The following DNAJC1 variants were observed in gnomAD, a reference collection of about 807,000 sequenced individuals.
The protein encoded by DNAJC1 is DnaJ heat shock protein family (Hsp40) member C1, also known as dnaJ homolog subfamily C member 1.
A neutral mutation model predicts 76.6 loss-of-function variants in DNAJC1; 58 were observed. That is an observed-to-expected ratio of 0.76 (90% CI 0.61 to 0.94). The LOEUF (loss-of-function observed/expected upper bound fraction) is 0.94. Ranked by LOEUF, DNAJC1 falls within the 40% of genes least tolerant of loss-of-function variation. The probability of loss-of-function intolerance (pLI) is 0.00; values close to 1 mark genes in which losing one functional copy is unlikely to be tolerated. For missense variants in DNAJC1, 689 were observed against 677.3 expected (o/e 1.02, Z -0.19); for synonymous variants, 258 against 267.9 (o/e 0.96, Z 0.36).
rs568141167 is a variant in DNAJC1, at chr10:21,757,794, C to T, written c.1597-1039G>A. On this transcript the variant is annotated intron_variant, in intron 11 of 11. Transcript: ENST00000376980. ...GACAGCAGGAAGCTCAGCCCTGCCT[C>T]GCTCTCAAGTCAAGGCTTGAGGGGA... 6.1e-4 allele frequency among the ~76,000 whole-genome samples: 93 copies of T among 152,312 alleles called. 1 individual carries two copies. Among genetic ancestry groups the T allele is most frequent in the Admixed American group, 1.6e-3 (24 of 15,304 alleles).
intron 8 of DNAJC1, among the ~76,000 whole-genome samples, chr10:21,862,836 G>GA (rs1472025005): frequency 6.6e-6 from 1 of 152,034 alleles, no homozygotes. Flanking sequence ...TAAGAAATTA[G>GA]AAAAGGAAGA....
rs1208799870 is a variant in DNAJC1 at position 21,941,095 on chromosome 10, CAAAAA to C, written c.223-11959_223-11955del. Among the ~76,000 whole-genome samples, 164 of 39,166 alleles carry C rather than the reference CAAAAA, an allele frequency of 4.2e-3. 1 individual carries two copies. The highest frequency in any genetic ancestry group is 0.014 in the African/African-American group (158 of 11,640). 25.7% of individuals were successfully genotyped at this position (39,166 alleles called of 152,430 possible). On this transcript the variant is annotated intron_variant, in intron 1 of 11. Coordinates refer to ENST00000376980, the MANE Select transcript of DNAJC1 (RefSeq NM_022365.4). ...TGAAACTCCGTCTCTACTAAAAATA[CAAAAA>C]AAAAAAAAAAAAAAAAAAATTAGCC...
chr10:21,935,493 T>C (rs1837297177), intron 1 of DNAJC1, among the ~76,000 whole-genome samples: 1 of 152,070 alleles, frequency 6.6e-6, no homozygotes, highest in South Asian at 2.1e-4. Context: ...TGTGGAACAC[T>C]ATTAAAAGTA....
chr10:21,809,914 C>T (rs1181123997), intron 8 of DNAJC1, among the ~76,000 whole-genome samples: 1 of 151,220 alleles, frequency 6.6e-6, no homozygotes, highest in African/African-American at 2.4e-5. Context: ...TGGCTGCCTT[C>T]TTGCTCAGTC....
intron 3 of DNAJC1, 83 bp from the exon 4 acceptor site, chr10:21,921,046 A>T (rs1008300896): frequency 1.0e-4 from 132 of 1,257,842 alleles, no homozygotes; most frequent in Non-Finnish European, 1.4e-4. Flanking sequence ...TACAAAAAGG[A>T]AAAAGAAAAC....
At chr10:21,875,795 G>A (rs1251287672) in intron 8 of DNAJC1, among the ~76,000 whole-genome samples, 4 of 152,078 alleles carry the variant, frequency 2.6e-5, no homozygotes, top group African/African-American at 9.7e-5. Flanking sequence ...TGTGGCAGCA[G>A]GCGTCTGTAA....
intron 1 of DNAJC1, among the ~76,000 whole-genome samples, chr10:21,948,200 C>T (rs1837537384): frequency 6.6e-6 from 1 of 151,242 alleles, no homozygotes; most frequent in African/African-American, 2.4e-5. Flanking sequence ...AAGTGATTCT[C>T]CTGCCTCAGC....
At chr10:21,855,444 AT>A (rs1308429088) in intron 8 of DNAJC1, among the ~76,000 whole-genome samples, 1 of 152,160 alleles carries the variant, frequency 6.6e-6, no homozygotes, top group African/African-American at 2.4e-5. Context: ...AACATATATG[AT>A]TTTCTAATAG....
intron 2 of DNAJC1, among the ~76,000 whole-genome samples, 189 bp from the exon 3 acceptor site, chr10:21,928,741 C>A (rs542857666): frequency 2.0e-5 from 3 of 151,962 alleles, no homozygotes; most frequent in Non-Finnish European, 4.4e-5. Context: ...TGCTTGATAT[C>A]AAAATAAATC....
At chr10:21,783,235 C>T (rs971274026) in intron 9 of DNAJC1, among the ~76,000 whole-genome samples, 85 of 150,464 alleles carry the variant, frequency 5.6e-4, no homozygotes, top group African/African-American at 2.1e-3. Flanking sequence ...GCAAAAATCA[C>T]AAGCATTCTT....
At chr10:21,772,500 T>C (rs912544957) in intron 9 of DNAJC1, among the ~76,000 whole-genome samples, 1 of 152,126 alleles carries the variant, frequency 6.6e-6, no homozygotes, top group Admixed American at 6.5e-5. Flanking sequence ...ATTAGAAAAA[T>C]AGCCATCTAA....
chr10:21,925,119 C>T (rs898982814), intron 3 of DNAJC1, among the ~76,000 whole-genome samples: 20 of 152,224 alleles, frequency 1.3e-4, no homozygotes, highest in Non-Finnish European at 2.9e-4. Flanking sequence ...TCAAGCAATC[C>T]TCCCATCTCA....
chr10:21,856,723 T>C (rs1278247988), intron 8 of DNAJC1, among the ~76,000 whole-genome samples: 4 of 152,022 alleles, frequency 2.6e-5, no homozygotes, highest in African/African-American at 9.7e-5. Context: ...AAATCACTAA[T>C]GACACATAGA....
Position 22,003,393 on chromosome 10 carries a change from G to A in DNAJC1, c.42C>T (p.Arg14=). 7.2e-7 allele frequency: 1 copy of A among 1,380,068 alleles called. No individual in the cohort carries two copies. Among genetic ancestry groups the A allele is most frequent in the Non-Finnish European group, 9.4e-7 (1 of 1,069,248 alleles). The allele number at this position is 1,380,068 out of a possible 1,614,324, so 85.5% of individuals were successfully genotyped here. ...PCSQPAQLPG[R]RQLGLVPFPP... ...GGAACGGCACCAGCCCGAGCTGGCG[G>A]CGTCCAGGAAGCTGCGCCGGCTGGG... The change falls in exon 1 of 12, where the codon CGC becomes CGT. Residue 14 remains arginine, a synonymous_variant. Coordinates refer to ENST00000376980, the MANE Select transcript of DNAJC1 (RefSeq NM_022365.4).
Position 21,823,739 on chromosome 10 carries a change from A to G in DNAJC1, c.979-17640T>C, listed in dbSNP as rs757438108. On this transcript the variant is annotated intron_variant, in intron 8 of 11. Coordinates refer to ENST00000376980, the MANE Select transcript of DNAJC1 (RefSeq NM_022365.4). ...AATGCTAACAATAGCTGACCAGCTT[A>G]AAAAAAAAAAAAAAGCAGAAAAATC... 3.8e-5 allele frequency among the ~76,000 whole-genome samples: 5 copies of G among 130,748 alleles called. 1 individual carries two copies. In the South Asian group the frequency reaches 6.9e-4, roughly 18 times the overall value. 85.8% of individuals were successfully genotyped at this position (130,748 alleles called of 152,430 possible). A position where few individuals can be genotyped will look rare whatever the true frequency, so the allele number is the denominator to read the frequency against.
At chr10:21,758,729 A>G (rs1484441117) in intron 11 of DNAJC1, among the ~76,000 whole-genome samples, 2 of 152,224 alleles carry the variant, frequency 1.3e-5, no homozygotes, top group African/African-American at 4.8e-5. Flanking sequence ...CTTTGGTCAA[A>G]GATTTGCTAC....
chr10:21,828,164 G>C (rs1470905134), intron 8 of DNAJC1, among the ~76,000 whole-genome samples: 1 of 152,190 alleles, frequency 6.6e-6, no homozygotes, highest in Non-Finnish European at 1.5e-5. Flanking sequence ...GAAAATCTCA[G>C]TGTATAAAAC....
chr10:21,983,707 C>A (rs931876412), intron 1 of DNAJC1, among the ~76,000 whole-genome samples: 3 of 125,694 alleles, frequency 2.4e-5, no homozygotes, highest in East Asian at 2.4e-4. Context: ...GGCAACAGAG[C>A]GAGATTCTGT....
chr10:21,884,580 T>C (rs1203524466), intron 7 of DNAJC1, among the ~76,000 whole-genome samples: 1 of 152,102 alleles, frequency 6.6e-6, no homozygotes, highest in East Asian at 1.9e-4. Context: ...TAACTGTATG[T>C]GGGTATGTAT....
Sources: gnomAD v4.1 joint callset for allele counts (sites outside exome capture counted in the v4.1 genomes callset) on GRCh38, gnomAD v4.1.1 for gene constraint, MANE v1.5 for transcripts, NCBI Gene and HGNC (gene_info 2026-07-23, HGNC 2026-07-21) for gene names.